Variants in STPG2 observed in about 807,000 individuals in gnomAD.
STPG2 encodes the protein sperm-tail PG-rich repeat-containing protein 2.
In STPG2, 56 loss-of-function variants were observed where a neutral mutation model predicts 54.2. The ratio of observed to expected loss-of-function variants is 1.03; its 90% CI spans 0.83 to 1.29. The LOEUF (loss-of-function observed/expected upper bound fraction) is 1.29, where lower values mean the gene tolerates loss of function less well. Among genes scored for constraint, STPG2 ranks in the 50% most tolerant of loss-of-function variants. STPG2 has a pLI of 0.00. For synonymous variants in STPG2, 200 were observed against 181.8 expected, an observed-to-expected ratio of 1.10 and a Z score of -0.81; for missense variants, 596 against 544.9, an observed-to-expected ratio of 1.09 and a Z score of -0.93.
rs545261375 is a variant in STPG2, at chr4:97,905,902, C to G, written c.1044+37995G>C. Reference sequence around the variant, plus strand: ...GGAAATTTATAGAACTAAATGCCCACAAGAGAAAGCAGGAAAGATCCAAAA... The same window carrying G: ...GGAAATTTATAGAACTAAATGCCCAGAAGAGAAAGCAGGAAAGATCCAAAA... On this transcript the variant is annotated intron_variant, in intron 8 of 10. Transcript: ENST00000295268. 4.5e-4 allele frequency among the ~76,000 whole-genome samples: 69 copies of G among 152,080 alleles called. No individual in the cohort carries two copies. In the South Asian group the frequency reaches 0.013, roughly 28 times the overall value.
At chr4:97,574,635 G>A (rs7665223) in intron 10 of STPG2, among the ~76,000 whole-genome samples, 1 of 151,688 alleles carries the variant, frequency 6.6e-6, no homozygotes, top group Non-Finnish European at 1.5e-5. Context: ...GAGAGTAACC[G>A]TCCCAGGTTT....
At chr4:97,910,134 CAG>C (rs1248282418) in intron 8 of STPG2, among the ~76,000 whole-genome samples, 1 of 152,140 alleles carries the variant, frequency 6.6e-6, no homozygotes, top group Non-Finnish European at 1.5e-5. Flanking sequence ...GATTGTTATG[CAG>C]AGTCCTGTTG....
intron 10 of STPG2, among the ~76,000 whole-genome samples, chr4:97,638,063 T>G (rs1212872944): frequency 6.6e-6 from 1 of 152,156 alleles, no homozygotes; most frequent in Non-Finnish European, 1.5e-5. Context: ...AGAACAAAGC[T>G]GAAGCCATCA....
intron 9 of STPG2, among the ~76,000 whole-genome samples, chr4:97,791,940 G>A (rs1168102056): frequency 1.3e-5 from 2 of 152,064 alleles, no homozygotes; most frequent in Non-Finnish European, 2.9e-5. Flanking sequence ...GTAGAAGAAT[G>A]CTCAATACCA....
intron 5 of STPG2, among the ~76,000 whole-genome samples, chr4:98,104,994 A>G (rs1184492041): frequency 1.3e-5 from 2 of 152,232 alleles, no homozygotes; most frequent in African/African-American, 4.8e-5. Context: ...TACCTGTAAC[A>G]ATAGCTGAGT....
rs1560549339 is a variant in STPG2 at position 97,840,923 on chromosome 4, C to T, written c.1054G>A (p.Ala352Thr). 1.2e-6 allele frequency: 2 copies of T among 1,609,618 alleles called. No individual in the cohort carries two copies. Among genetic ancestry groups the T allele is most frequent in the East Asian group, 2.2e-5 (1 of 44,744 alleles). Residue 352 changes from alanine to threonine, a missense_variant, in exon 9 of 11, where the codon GCG becomes ACG. By Grantham distance (58) the Ala-to-Thr change is moderately conservative. Transcript: ENST00000295268. ...TTGTGAACATCATAGCTGCCTGGCG[C>T]TGGAATAACCTGAAAAAAAATTTAA... Reference protein sequence around the residue: ...TMKVPDMVIPAPGSYDVHKSY... With the variant: ...TMKVPDMVIPTPGSYDVHKSY...
At chr4:98,044,378 T>C (rs1405206712) in intron 5 of STPG2, among the ~76,000 whole-genome samples, 1 of 152,212 alleles carries the variant, frequency 6.6e-6, no homozygotes, top group Non-Finnish European at 1.5e-5. Flanking sequence ...CAGAAATTGC[T>C]GGATAAGCGA....
At position 98,047,207 on chromosome 4, in the gene STPG2, T is replaced by C. The variant is rs998272914; in HGVS notation, c.612+58746A>G. Among the ~76,000 whole-genome samples, 24 of 152,280 alleles carry C rather than the reference T, an allele frequency of 1.6e-4. 1 individual carries two copies. The highest frequency in any genetic ancestry group is 6.8e-3 in the Middle Eastern group (2 of 294). On this transcript the variant is annotated intron_variant, in intron 5 of 10. Coordinates refer to ENST00000295268, the MANE Select transcript of STPG2 (RefSeq NM_174952.3). ...ACCATTCAGCCCCAGAGCTAGGTGATTCAAGTAGCCAGCCCCTCAAGTAGG... is the reference window on the plus strand; with the variant it reads ...ACCATTCAGCCCCAGAGCTAGGTGACTCAAGTAGCCAGCCCCTCAAGTAGG...
chr4:97,974,142 G>A (rs943774212), intron 6 of STPG2, among the ~76,000 whole-genome samples: 35 of 152,174 alleles, frequency 2.3e-4, no homozygotes, highest in African/African-American at 7.7e-4. Flanking sequence ...TGTGAGACAC[G>A]GAGTCAAAGG....
At chr4:97,614,067 T>A (rs1206869485) in intron 10 of STPG2, among the ~76,000 whole-genome samples, 1 of 152,088 alleles carries the variant, frequency 6.6e-6, no homozygotes, top group Non-Finnish European at 1.5e-5. Context: ...TATATACTTG[T>A]ATACCAGGGG....
intron 5 of STPG2, among the ~76,000 whole-genome samples, chr4:97,997,951 C>A (rs765719007): frequency 6.6e-6 from 1 of 151,984 alleles, no homozygotes; most frequent in Non-Finnish European, 1.5e-5. Context: ...AAGATAAATC[C>A]GACTGCCTAT....
intron 5 of STPG2, among the ~76,000 whole-genome samples, chr4:98,068,107 A>G (rs1010835692): frequency 2.0e-5 from 3 of 152,104 alleles, no homozygotes; most frequent in African/African-American, 7.2e-5. Context: ...ATCAAGTAAC[A>G]TCCAGGCTGT....
intron 9 of STPG2, among the ~76,000 whole-genome samples, chr4:97,742,689 T>G (rs150785149): frequency 6.6e-6 from 1 of 151,242 alleles, no homozygotes; most frequent in Non-Finnish European, 1.5e-5. Context: ...AAATACTGCA[T>G]GATTTTGCTT....
At chr4:97,870,909 T>C (rs1729960211) in intron 8 of STPG2, among the ~76,000 whole-genome samples, 2 of 151,236 alleles carry the variant, frequency 1.3e-5, no homozygotes, top group Non-Finnish European at 3.0e-5. Context: ...TCATACATTT[T>C]ATGTCACAAA....
intron 4 of STPG2, among the ~76,000 whole-genome samples, chr4:98,107,477 C>T (rs1230209631): frequency 7.1e-6 from 1 of 141,044 alleles, no homozygotes; most frequent in Non-Finnish European, 1.6e-5. Flanking sequence ...GGTTAAAACA[C>T]AAATGGAAGA....
chr4:97,737,722 T>A (rs940012306), intron 9 of STPG2, among the ~76,000 whole-genome samples: 2 of 152,128 alleles, frequency 1.3e-5, no homozygotes, highest in East Asian at 1.9e-4. Context: ...GAAAAGACCA[T>A]ATCTACGTCT....
intron 8 of STPG2, among the ~76,000 whole-genome samples, chr4:97,852,689 A>G (rs1729198710): frequency 6.6e-6 from 1 of 152,192 alleles, no homozygotes; most frequent in South Asian, 2.1e-4. Flanking sequence ...ACTGAGAATA[A>G]TAATGGTGAT....
chr4:98,053,608 C>G (rs1038318731), intron 5 of STPG2, among the ~76,000 whole-genome samples: 1 of 152,046 alleles, frequency 6.6e-6, no homozygotes, highest in Non-Finnish European at 1.5e-5. Context: ...TAGTGCCTGT[C>G]TTCAAATGTA....
chr4:97,579,283 C>T (rs952551897), intron 10 of STPG2, among the ~76,000 whole-genome samples: 14 of 151,986 alleles, frequency 9.2e-5, no homozygotes, highest in African/African-American at 3.1e-4. Context: ...CACATACATA[C>T]ACACCCTGAA....
Sources: allele counts gnomAD v4.1 joint callset (sites outside exome capture counted in the v4.1 genomes callset), GRCh38; gene constraint gnomAD v4.1.1; transcripts MANE v1.5; gene names NCBI Gene and HGNC (gene_info 2026-07-23, HGNC 2026-07-21).